Variants in SUGT1 observed in about 807,000 individuals in gnomAD.
The protein encoded by SUGT1 is SGT1 assembly cochaperone of MIS12 kinetochore complex.
A neutral mutation model predicts 56.1 loss-of-function variants in SUGT1; 15 were observed. The ratio of observed to expected loss-of-function variants is 0.27; its 90% CI spans 0.18 to 0.41. SUGT1 has a LOEUF of 0.41. SUGT1 is among the 10% of genes least tolerant of loss of function. The pLI is 1.00. For synonymous variants in SUGT1, 123 were observed against 128.6 expected (o/e 0.96, Z 0.30); for missense variants, 347 against 382.2 (o/e 0.91, Z 0.77).
At chr13:52,660,540 T>C (rs1409798826) in intron 5 of SUGT1, among the ~76,000 whole-genome samples, 3 of 152,222 alleles carry the variant, frequency 2.0e-5, no homozygotes, top group Non-Finnish European at 4.4e-5. Flanking sequence ...ATGTTTGCCT[T>C]TCTGTTGTGT....
rs1400634278 is a variant in SUGT1, at chr13:52,698,363, A to G, written c.*10528A>G. ...TTTTTCCAGAGTGCTGTCATCTCAT[A>G]TACTTTTTTCTTCATACAGGTTTTT... On this transcript the variant is annotated 3_prime_UTR_variant, in exon 13 of 13. Transcript: ENST00000310528. 1 of 150,992 alleles carries G rather than the reference A, an allele frequency of 6.6e-6. No individual in the cohort carries two copies. The highest frequency in any genetic ancestry group is 1.9e-4 in the East Asian group (1 of 5,150). The allele number at this position is 150,992 out of a possible 1,614,324, so 9.4% of individuals were successfully genotyped here.
intron 10 of SUGT1, among the ~76,000 whole-genome samples, chr13:52,668,260 G>A (rs557553306): frequency 1.3e-5 from 2 of 152,296 alleles, no homozygotes; most frequent in Admixed American, 6.5e-5. Flanking sequence ...GATTACAGGT[G>A]TGAGCCACTG....
intron 2 of SUGT1, among the ~76,000 whole-genome samples, chr13:52,653,379 T>C (rs1188685629): frequency 8.5e-5 from 1 of 11,762 alleles, no homozygotes; most frequent in Non-Finnish European, 1.8e-4. Context: ...GTAGTTTGGC[T>C]GAAAGGATTT....
In SUGT1 at chr13:52,696,091, A is replaced by G. The variant is rs779763067; in HGVS notation, c.*8256A>G. The G allele has an allele frequency of 7.9e-5, 12 of 152,276 alleles. No individual in the cohort carries two copies. The highest frequency in any genetic ancestry group is 1.8e-4 in the Non-Finnish European group (12 of 68,082). 9.4% of individuals were successfully genotyped at this position (152,276 alleles called of 1,614,324 possible). A position where few individuals can be genotyped will look rare whatever the true frequency, so the allele number is the denominator to read the frequency against. On this transcript the variant is annotated 3_prime_UTR_variant, in exon 13 of 13. Transcript: ENST00000310528. Reference sequence around the variant, plus strand: ...TCCTTGTTTGTCAGACCAGTACATTACAGTTGGTTCATTTCTTCCCCCGTG... The same window carrying G: ...TCCTTGTTTGTCAGACCAGTACATTGCAGTTGGTTCATTTCTTCCCCCGTG...
chr13:52,670,131 T>G (rs1386998113), intron 10 of SUGT1, among the ~76,000 whole-genome samples: 3 of 152,244 alleles, frequency 2.0e-5, no homozygotes. Flanking sequence ...CAAGATTGAA[T>G]GAATGTTGCA....
In SUGT1 at chr13:52,687,780, G is replaced by A. The variant is rs1453040243; in HGVS notation, c.947G>A (p.Gly316Asp). The change falls in exon 13 of 13, where the codon GGT becomes GAT. Residue 316 changes from glycine to aspartate, a missense_variant. Gly to Asp is a moderately conservative substitution (Grantham distance 94, BLOSUM62 -1). Transcript: ENST00000310528. ...TTGAGTACCAACTGGTCTGATGTAG[G>A]TAAAAGGAAAGTTGAAATCAATCCT... is the stretch of plus-strand genomic sequence containing the variant. ...TVLSTNWSDV[G>D]KRKVEINPPD... is the part of the protein sequence containing the mutation. The A allele has an allele frequency of 6.2e-7, 1 of 1,602,394 alleles. No homozygotes were observed. Among genetic ancestry groups the A allele is most frequent in the African/African-American group, 1.3e-5 (1 of 74,364 alleles).
intron 11 of SUGT1, 146 bp downstream of exon 11, chr13:52,676,466 A>G (rs1963147627): frequency 3.1e-6 from 2 of 650,056 alleles, no homozygotes; most frequent in South Asian, 4.3e-5. Flanking sequence ...CGTAATGAAT[A>G]TAAAGTAGCC....
Position 52,691,656 on chromosome 13 carries a change from C to A in SUGT1, c.*3821C>A, listed in dbSNP as rs1051182055. 2 of 152,076 alleles carry A rather than the reference C, an allele frequency of 1.3e-5. No homozygotes were observed. Among genetic ancestry groups the A allele is most frequent in the Admixed American group, 6.6e-5 (1 of 15,250 alleles). The allele number at this position is 152,076 out of a possible 1,614,324, so 9.4% of individuals were successfully genotyped here. A position where few individuals can be genotyped will look rare whatever the true frequency, so the allele number is the denominator to read the frequency against. ...TTTTGTTAGTTACTAGAGCCACTTA[C>A]CCTTTGTAACTAGCTCTAAAGAAGT... On this transcript the variant is annotated 3_prime_UTR_variant, in exon 13 of 13. Coordinates refer to ENST00000310528, the MANE Select transcript of SUGT1 (RefSeq NM_006704.5).
chr13:52,665,398 A>G (rs1962653263), intron 8 of SUGT1, among the ~76,000 whole-genome samples: 1 of 152,186 alleles, frequency 6.6e-6, no homozygotes, highest in South Asian at 2.1e-4. Flanking sequence ...AACCCAGAAA[A>G]TCATGCAAGT....
At chr13:52,665,101 A>G (rs908113958) in intron 8 of SUGT1, among the ~76,000 whole-genome samples, 7 of 152,196 alleles carry the variant, frequency 4.6e-5, no homozygotes, top group Non-Finnish European at 1.0e-4. Context: ...TAAACTTCAT[A>G]TGATTTTAAT....
At chr13:52,683,381 C>T (rs1333230739) in intron 12 of SUGT1, among the ~76,000 whole-genome samples, 1 of 151,948 alleles carries the variant, frequency 6.6e-6, no homozygotes, top group Admixed American at 6.6e-5. Context: ...TATGATTTTT[C>T]TTCCTTAGCC....
At chr13:52,655,262 G>A (rs1004710489) in intron 2 of SUGT1, among the ~76,000 whole-genome samples, 4 of 152,176 alleles carry the variant, frequency 2.6e-5, no homozygotes, top group Admixed American at 6.5e-5. Context: ...AGAATCACTT[G>A]AACCCTGGAG....
Position 52,680,035 on chromosome 13 carries a change from T to C in SUGT1, c.780T>C (p.Gly260=). ...CAAGAAATTGGGATAAATTGGTTGG[T>C]GAGATCAAAGAAGAAGAAAAGAATG... ...PYTRNWDKLV[G]EIKEEEKNEK... is the part of the protein sequence containing the mutation. The change falls in exon 12 of 13, where the codon GGT becomes GGC. Residue 260 remains glycine (G), a synonymous_variant. Transcript: ENST00000310528. 5 of 1,602,954 alleles carry C rather than the reference T, an allele frequency of 3.1e-6. No individual in the cohort carries two copies. Among genetic ancestry groups the C allele is most frequent in the Non-Finnish European group, 4.2e-6 (5 of 1,177,122 alleles).
rs768752219 is a variant in SUGT1 at position 52,653,097 on chromosome 13, G to A, written c.90G>A (p.Ala30=). Residue 30 remains alanine, a synonymous_variant, in exon 2 of 13, where the codon GCG becomes GCA. Transcript: ENST00000310528. The part of the protein sequence containing the change: ...DALIDEDPQA[A]LEELTKALEQ... ...TAATCGACGAGGACCCCCAGGCGGCGTTAGAGGTGAGAGAGCCCATTTCTG... is the reference window on the plus strand; with the variant it reads ...TAATCGACGAGGACCCCCAGGCGGCATTAGAGGTGAGAGAGCCCATTTCTG... 6.2e-7 allele frequency: 1 copy of A among 1,614,174 alleles called. No homozygotes were observed. Among genetic ancestry groups the A allele is most frequent in the South Asian group, 1.1e-5 (1 of 91,080 alleles).
intron 10 of SUGT1, among the ~76,000 whole-genome samples, chr13:52,668,915 A>C (rs1007702857): frequency 6.6e-6 from 1 of 152,148 alleles, no homozygotes; most frequent in Non-Finnish European, 1.5e-5. Flanking sequence ...TGACTTAAGA[A>C]CTTGTATTAC....
intron 7 of SUGT1, 114 bp from the exon 8 acceptor site, chr13:52,663,921 A>G: frequency 1.0e-6 from 1 of 985,756 alleles, no homozygotes; most frequent in South Asian, 1.6e-5. Context: ...TTTTATATCA[A>G]AATAACTGCA....
At chr13:52,676,614 C>T (rs1311339396) in intron 11 of SUGT1, among the ~76,000 whole-genome samples, 1 of 152,080 alleles carries the variant, frequency 6.6e-6, no homozygotes, top group Non-Finnish European at 1.5e-5. Context: ...TGCGTGTTGG[C>T]CCTTCCTGTT....
Position 52,658,573 on chromosome 13 carries a change from TTATACATTATATAGCA to T in SUGT1, c.257+106_257+121del, listed in dbSNP as rs1208268192. 60 of 1,020,768 alleles carry T rather than the reference TTATACATTATATAGCA, an allele frequency of 5.9e-5. No homozygotes were observed. In the South Asian group the frequency reaches 7.7e-4, roughly 13 times the overall value. 63.2% of individuals were successfully genotyped at this position (1,020,768 alleles called of 1,614,324 possible). ...TTATATAAGTTGTAAAATTCTGTAT[TTATACATTATATAGCA>T]GAGATATGATTCAATTTTAAATACA... On this transcript the variant is annotated intron_variant, in intron 4 of 12. Transcript: ENST00000310528.
intron 5 of SUGT1, among the ~76,000 whole-genome samples, chr13:52,659,812 ATATTTTTTTTTTTTTT>A (rs1380350703): frequency 5.2e-5 from 2 of 38,180 alleles, no homozygotes; most frequent in African/African-American, 2.6e-4. Context: ...ATATATATAT[ATATTTTTTTTTTTTTT>A]TTTTTTTTTT....
Sources: gnomAD v4.1 joint callset for allele counts (sites outside exome capture counted in the v4.1 genomes callset) on GRCh38, gnomAD v4.1.1 for gene constraint, MANE v1.5 for transcripts, NCBI Gene and HGNC (gene_info 2026-07-23, HGNC 2026-07-21) for gene names.